AKAP12: variants seen among roughly 807,000 people sequenced by gnomAD.
The protein encoded by AKAP12 is A-kinase anchoring protein 12.
A neutral mutation model predicts 79.9 loss-of-function variants in AKAP12; 32 were observed. That is an observed-to-expected ratio of 0.40 (90% CI 0.30 to 0.54). AKAP12 has a LOEUF of 0.54. Among genes scored for constraint, AKAP12 ranks in the 20% least tolerant of loss-of-function variants. The probability of loss-of-function intolerance (pLI) is 0.48; values close to 1 mark genes in which losing one functional copy is unlikely to be tolerated. For missense variants in AKAP12, 2,074 were observed against 2,177.0 expected, an observed-to-expected ratio of 0.95 and a Z score of 0.94; for synonymous variants, 808 against 857.0, an observed-to-expected ratio of 0.94 and a Z score of 1.00.
intron 3 of AKAP12, among the ~76,000 whole-genome samples, chr6:151,334,132 A>C (rs1777750669): frequency 6.6e-6 from 1 of 152,164 alleles, no homozygotes; most frequent in African/African-American, 2.4e-5. Context: ...AAACAAAAAC[A>C]GAAAAGGGAT....
chr6:151,297,202 A>ATG (rs535994368), intron 2 of AKAP12, among the ~76,000 whole-genome samples: 74 of 146,856 alleles, frequency 5.0e-4, no homozygotes, highest in African/African-American at 1.6e-3. Flanking sequence ...GTGTATGTGT[A>ATG]TGTGTGTGTG....
At chr6:151,257,358 G>A (rs1348159635) in intron 2 of AKAP12, among the ~76,000 whole-genome samples, 2 of 151,950 alleles carry the variant, frequency 1.3e-5, no homozygotes, top group African/African-American at 2.4e-5. Context: ...GTGCAGCGGC[G>A]TGATCTCAAC....
At chr6:151,336,304 G>A (rs1777812903) in intron 3 of AKAP12, among the ~76,000 whole-genome samples, 1 of 152,166 alleles carries the variant, frequency 6.6e-6, no homozygotes, top group African/African-American at 2.4e-5. Flanking sequence ...TTGCTGTGTG[G>A]AATGGTAGTT....
rs867346640 is a variant in AKAP12, at chr6:151,353,342, G to A, written c.4951G>A (p.Val1651Ile). ...GACTGTTGAGGTAGAAGGTTCCACT[G>A]TAAATGATCAGCAGCTGGAAGAGGT... ...TMTVEVEGST[V>I]NDQQLEEVVL... The change falls in exon 4 of 5, where the codon GTA (valine) becomes ATA (isoleucine). Residue 1651 changes from valine to isoleucine, a missense_variant. Coordinates refer to ENST00000402676, the MANE Select transcript of AKAP12 (RefSeq NM_005100.4). 5.6e-6 allele frequency: 9 copies of A among 1,614,084 alleles called. No individual in the cohort carries two copies. The African/African-American group carries it at 1.1e-4, about 19-fold the overall frequency.
In AKAP12 at chr6:151,351,622, A is replaced by G; in HGVS notation, c.3231A>G (p.Pro1077=). ...QPVQRAEAER[P]EEQAEASGLK... is the part of the protein sequence containing the mutation. Reference sequence around the variant, plus strand: ...TGCAGAGAGCAGAGGCAGAAAGACCAGAAGAGCAGGCTGAAGCGTCGGGTC... The same window carrying G: ...TGCAGAGAGCAGAGGCAGAAAGACCGGAAGAGCAGGCTGAAGCGTCGGGTC... Residue 1077 remains proline (P), a synonymous_variant, in exon 4 of 5, where the codon CCA becomes CCG. Coordinates refer to ENST00000402676, the MANE Select transcript of AKAP12 (RefSeq NM_005100.4). This position sits in a 1 kb window ranked among gnomAD's most constrained non-coding sequence, Gnocchi z 4.4. The G allele has an allele frequency of 1.2e-6, 2 of 1,614,214 alleles. No homozygotes were observed. The highest frequency in any genetic ancestry group is 1.7e-6 in the Non-Finnish European group (2 of 1,180,048).
intron 3 of AKAP12, among the ~76,000 whole-genome samples, chr6:151,312,749 G>A (rs1042817662): frequency 2.1e-5 from 3 of 140,502 alleles, no homozygotes; most frequent in Non-Finnish European, 4.5e-5. Flanking sequence ...CCGAGATCGT[G>A]CCACTGCACT....
rs571751772 is a variant in AKAP12 at position 151,341,736 on chromosome 6, A to T, written c.320-6975A>T. The T allele has an allele frequency of 1.3e-5, 16 of 1,276,744 alleles. No homozygotes were observed. In the South Asian group the frequency reaches 1.9e-4, roughly 15 times the overall value. 79.1% of individuals were successfully genotyped at this position (1,276,744 alleles called of 1,614,324 possible). The stretch of plus-strand genomic sequence containing the variant: ...GCAGTTCGCCCCGCAGCGATGGCGG[A>T]CACGGAATCCCGAGGGCCACCAACT... On this transcript the variant is annotated intron_variant, in intron 3 of 4. Transcript: ENST00000402676.
At chr6:151,323,020 A>G (rs1026212221) in intron 3 of AKAP12, among the ~76,000 whole-genome samples, 2 of 152,016 alleles carry the variant, frequency 1.3e-5, no homozygotes, top group Non-Finnish European at 2.9e-5. Flanking sequence ...ATGATAAAAG[A>G]AAGTCTCCTG....
intron 2 of AKAP12, among the ~76,000 whole-genome samples, chr6:151,268,953 T>TG (rs1776115918): frequency 2.6e-5 from 3 of 116,956 alleles, no homozygotes; most frequent in Non-Finnish European, 5.2e-5. Context: ...CTGTTTTTTT[T>TG]TTTTTTTTTT....
rs982481853 is a variant in AKAP12, at chr6:151,341,859, G to GC, written c.320-6851dup. 2.5e-6 allele frequency: 3 copies of GC among 1,196,710 alleles called. No homozygotes were observed. In the African/African-American group the frequency reaches 4.8e-5, roughly 19 times the overall value. The allele number at this position is 1,196,710 out of a possible 1,614,324, so 74.1% of individuals were successfully genotyped here. The stretch of plus-strand genomic sequence containing the variant: ...AAAGCCTCTCTACTGGCCAAGGCGC[G>GC]CAGGGACAGGTCGGGAAGGGCCTGC... On this transcript the variant is annotated intron_variant, in intron 3 of 4. Transcript: ENST00000402676.
intron 2 of AKAP12, among the ~76,000 whole-genome samples, chr6:151,300,280 C>T (rs1334376020): frequency 2.0e-5 from 3 of 152,096 alleles, no homozygotes; most frequent in Non-Finnish European, 4.4e-5. Context: ...TTCCTTCCCA[C>T]GAAGGCCACT....
At chr6:151,254,404 T>A (rs1169999490) in intron 2 of AKAP12, among the ~76,000 whole-genome samples, 1 of 151,832 alleles carries the variant, frequency 6.6e-6, no homozygotes, top group African/African-American at 2.4e-5. Flanking sequence ...CAGGCTGGAG[T>A]GCAGTTGTGT....
intron 2 of AKAP12, among the ~76,000 whole-genome samples, chr6:151,252,732 G>GGA (rs1357356762): frequency 0.014 from 1,340 of 95,858 alleles, 33 homozygotes; most frequent in African/African-American, 0.052. Flanking sequence ...CTGTCTCTGG[G>GGA]AAAAAAAAAA....
chr6:151,321,903 GT>G (rs11415941), intron 3 of AKAP12, among the ~76,000 whole-genome samples: 3,659 of 67,234 alleles, frequency 0.054, 16 homozygotes, highest in East Asian at 0.089. Flanking sequence ...TCAGCTTTAT[GT>G]TTTTTTTTTT....
chr6:151,347,513 G>A (rs764380493), intron 3 of AKAP12, among the ~76,000 whole-genome samples: 19 of 152,204 alleles, frequency 1.2e-4, no homozygotes, highest in Non-Finnish European at 2.2e-4. Context: ...CTCACTCTTA[G>A]AGGTGCCGTG....
intron 3 of AKAP12, chr6:151,344,048 AT>A: frequency 2.8e-6 from 1 of 355,388 alleles, no homozygotes; most frequent in Non-Finnish European, 5.4e-6. Flanking sequence ...TGAGTGTTTA[AT>A]TTTTCCTTAT....
intron 3 of AKAP12, among the ~76,000 whole-genome samples, chr6:151,328,327 CA>C (rs10686442): frequency 0.032 from 3,340 of 105,088 alleles, 121 homozygotes; most frequent in African/African-American, 0.1. Flanking sequence ...GACTCCATCT[CA>C]AAAAAAAAAA....
At position 151,299,382 on chromosome 6, in the gene AKAP12, A is replaced by G. The variant is rs189675158; in HGVS notation, c.163-6365A>G. On this transcript the variant is annotated intron_variant, in intron 2 of 4. Coordinates refer to ENST00000402676, the MANE Select transcript of AKAP12 (RefSeq NM_005100.4). ...TTCTACAGTGATAAAGTGAGTAAAA[A>G]GGAAACCGTGTCTGTTCTCCCAATT... Among the ~76,000 whole-genome samples, 23 of 152,346 alleles carry G rather than the reference A, an allele frequency of 1.5e-4. No individual in the cohort carries two copies. The East Asian group carries it at 3.1e-3, about 20-fold the overall frequency.
chr6:151,325,929 G>C, intron 3 of AKAP12: 1 of 1,614,090 alleles, frequency 6.2e-7, no homozygotes, highest in Non-Finnish European at 8.5e-7. Context: ...TGGACGGCAG[G>C]CACGGGGCAC....
Sources: allele counts gnomAD v4.1 joint callset (sites outside exome capture counted in the v4.1 genomes callset), GRCh38; gene constraint gnomAD v4.1.1; non-coding constraint Gnocchi (gnomAD v3.1); transcripts MANE v1.5; gene names NCBI Gene and HGNC (gene_info 2026-07-23, HGNC 2026-07-21).